MICU3: variants seen among roughly 807,000 people sequenced by gnomAD.
MICU3 encodes mitochondrial calcium uptake 3.
MICU3 carries 62 observed loss-of-function variants against 66.5 expected under a neutral mutation model. The observed-to-expected ratio is 0.93, with a 90% CI of 0.76 to 1.15. The LOEUF (loss-of-function observed/expected upper bound fraction) is 1.15, where lower values mean the gene tolerates loss of function less well. MICU3 is among the 50% of genes most tolerant of loss of function. The pLI, the probability that MICU3 is intolerant of heterozygous loss-of-function variation, is 0.00. For missense variants in MICU3, 779 were observed against 664.4 expected (o/e 1.17, Z -1.90); for synonymous variants, 308 against 240.7 (o/e 1.28, Z -2.59).
rs569662122 is a variant in MICU3 at position 17,040,001 on chromosome 8, A to G, written c.381+12341A>G. 6.3e-5 allele frequency among the ~76,000 whole-genome samples: 8 copies of G among 127,580 alleles called. No homozygotes were observed. In the Admixed American group the frequency reaches 7.5e-4, roughly 12 times the overall value. The allele number at this position is 127,580 out of a possible 152,430, so 83.7% of individuals were successfully genotyped here. ...CAGCTCACTGCAACCTCCACCTCCCATGTTCAAGTGATTCTCTTGCCTTAG... is the reference window on the plus strand; with the variant it reads ...CAGCTCACTGCAACCTCCACCTCCCGTGTTCAAGTGATTCTCTTGCCTTAG... On this transcript the variant is annotated intron_variant, in intron 1 of 14. Transcript: ENST00000318063.
chr8:17,112,484 A>T (rs1030214590), intron 11 of MICU3, among the ~76,000 whole-genome samples: 7 of 152,128 alleles, frequency 4.6e-5, no homozygotes, highest in African/African-American at 1.7e-4. Flanking sequence ...ATTAAGAAAC[A>T]TTGCTTTAAT....
rs953647916 is a variant in MICU3, at chr8:17,121,219, A to G, written c.*932A>G. 6.6e-5 allele frequency: 10 copies of G among 151,960 alleles called. No individual in the cohort carries two copies. Among genetic ancestry groups the G allele is most frequent in the Non-Finnish European group, 1.3e-4 (9 of 67,820 alleles). The allele number at this position is 151,960 out of a possible 1,614,324, so 9.4% of individuals were successfully genotyped here. On this transcript the variant is annotated 3_prime_UTR_variant, in exon 15 of 15. Coordinates refer to ENST00000318063, the MANE Select transcript of MICU3 (RefSeq NM_181723.3). ...ATCAAATGAGTATTGTAAAAGACTA[A>G]TATAAAATGGTTTATAAGACTGATG...
intron 1 of MICU3, among the ~76,000 whole-genome samples, chr8:17,049,912 C>T (rs1815772817): frequency 6.6e-6 from 1 of 151,996 alleles, no homozygotes; most frequent in South Asian, 2.1e-4. Context: ...ACTCATTTTT[C>T]TACAACCTGT....
intron 1 of MICU3, among the ~76,000 whole-genome samples, chr8:17,041,609 A>G (rs759829809): frequency 6.6e-6 from 1 of 151,884 alleles, no homozygotes; most frequent in African/African-American, 2.4e-5. Flanking sequence ...TTTTTTTAAG[A>G]TGGAAGACCC....
At chr8:17,138,140 CTT>C in the MICU3 span, among the ~76,000 whole-genome samples, 2 of 152,020 alleles carry the variant, frequency 1.3e-5, no homozygotes, top group African/African-American at 2.4e-5. Flanking sequence ...GTGATAAACT[CTT>C]AAGAGAATTT....
At chr8:17,112,781 A>T (rs10429440) in intron 11 of MICU3, among the ~76,000 whole-genome samples, 20,264 of 152,238 alleles carry the variant, frequency 0.13, 1,473 homozygotes, top group South Asian at 0.26. Context: ...TACTAACAGT[A>T]GCCTGTCACT....
intron 3 of MICU3, among the ~76,000 whole-genome samples, chr8:17,072,445 G>A (rs1819728134): frequency 1.3e-5 from 2 of 149,684 alleles, no homozygotes; most frequent in African/African-American, 2.5e-5. Context: ...AAAATGAGAG[G>A]CATGAGAGGT....
At chr8:17,125,133 A>G (rs1380494568), downstream of MICU3, among the ~76,000 whole-genome samples, 1 of 151,138 alleles carries the variant, frequency 6.6e-6, no homozygotes, top group Non-Finnish European at 1.5e-5. Flanking sequence ...CTATGAGTAT[A>G]GCCTGTAATA....
chr8:17,039,787 C>T (rs1178585978), intron 1 of MICU3, among the ~76,000 whole-genome samples: 1 of 151,250 alleles, frequency 6.6e-6, no homozygotes, highest in East Asian at 1.9e-4. Flanking sequence ...ATGATATTAA[C>T]CCTATAAAAT....
At chr8:17,043,308 C>T (rs1022172947) in intron 1 of MICU3, among the ~76,000 whole-genome samples, 6 of 152,136 alleles carry the variant, frequency 3.9e-5, no homozygotes, top group African/African-American at 1.4e-4. Context: ...ACAGTTTAAG[C>T]TAGCTCCAAC....
At chr8:17,068,611 A>G (rs1194670040) in intron 2 of MICU3, among the ~76,000 whole-genome samples, 1 of 152,190 alleles carries the variant, frequency 6.6e-6, no homozygotes, top group African/African-American at 2.4e-5. Flanking sequence ...TTGATTACAC[A>G]TTTGTATCAA....
intron 1 of MICU3, among the ~76,000 whole-genome samples, chr8:17,044,650 T>C (rs188504716): frequency 4.3e-4 from 66 of 152,362 alleles, no homozygotes; most frequent in African/African-American, 1.5e-3. Context: ...TGGGAAAATA[T>C]AGATCTTCCT....
At chr8:17,082,112 G>T (rs1050260798) in intron 5 of MICU3, 11 of 170,646 alleles carry the variant, frequency 6.4e-5, no homozygotes, top group Non-Finnish European at 2.5e-5. Context: ...TAACTATTGA[G>T]TCTATCAGAA....
intron 1 of MICU3, among the ~76,000 whole-genome samples, chr8:17,046,038 C>T (rs2150548618): frequency 1.3e-5 from 2 of 152,300 alleles, no homozygotes; most frequent in Middle Eastern, 6.8e-3. Flanking sequence ...TTTGCAGTGT[C>T]CTTTATAATA....
Position 17,105,559 on chromosome 8 carries a change from T to C in MICU3, c.1232T>C (p.Val411Ala). The C allele has an allele frequency of 6.4e-7, 1 of 1,561,232 alleles. No individual in the cohort carries two copies. The highest frequency in any genetic ancestry group is 8.7e-7 in the Non-Finnish European group (1 of 1,154,290). ...AATACATCAGTATTTTTAGAAAATG[T>C]GCGTTACAGTATACCTGAAGAAAAG... ...VENTSVFLEN[V>A]RYSIPEEKGI... The change falls in exon 11 of 15, where the codon GTG becomes GCG. Residue 411 changes from valine to alanine, a missense_variant. Val to Ala is a moderately conservative substitution (Grantham distance 64, BLOSUM62 0). Coordinates refer to ENST00000318063, the MANE Select transcript of MICU3 (RefSeq NM_181723.3).
chr8:17,092,753 T>C (rs1297722273), intron 8 of MICU3, among the ~76,000 whole-genome samples: 1 of 152,032 alleles, frequency 6.6e-6, no homozygotes, highest in African/African-American at 2.4e-5. Flanking sequence ...ATCCTGAAAA[T>C]GTATATGAAA....
intron 7 of MICU3, among the ~76,000 whole-genome samples, 199 bp from the exon 8 acceptor site, chr8:17,090,347 A>T (rs1012158616): frequency 5.9e-5 from 9 of 152,112 alleles, no homozygotes; most frequent in Non-Finnish European, 1.3e-4. Context: ...ATGTTTAATT[A>T]TCTGAGATTT....
chr8:17,111,823 A>ACTG (rs1217979275), intron 11 of MICU3, among the ~76,000 whole-genome samples: 1 of 152,168 alleles, frequency 6.6e-6, no homozygotes, highest in Non-Finnish European at 1.5e-5. Flanking sequence ...TCACTTTCAC[A>ACTG]CTGCTATAAA....
chr8:17,077,958 C>T (rs1323986565), intron 4 of MICU3, 97 bp downstream of exon 4: 2 of 699,830 alleles, frequency 2.9e-6, no homozygotes, highest in East Asian at 3.0e-5. Flanking sequence ...TTTTAAATTA[C>T]ATCTATGTGT....
Sources: allele counts gnomAD v4.1 joint callset (sites outside exome capture counted in the v4.1 genomes callset), GRCh38; gene constraint gnomAD v4.1.1; transcripts MANE v1.5; gene names NCBI Gene and HGNC (gene_info 2026-07-23, HGNC 2026-07-21).